ZNF207: variants seen among roughly 807,000 people sequenced by gnomAD.
The protein encoded by ZNF207 is zinc finger protein 207, also known as BUB3-interacting and GLEBS motif-containing protein ZNF207.
Under a neutral mutation model 60.2 loss-of-function variants are expected in ZNF207, and 24 were observed. The observed-to-expected ratio is 0.40, with a 90% CI of 0.29 to 0.56. The LOEUF (loss-of-function observed/expected upper bound fraction) is 0.56, where lower values mean the gene tolerates loss of function less well. Among genes scored for constraint, ZNF207 ranks in the 20% least tolerant of loss-of-function variants. The pLI is 0.49. For missense variants in ZNF207, 452 were observed against 636.6 expected (o/e 0.71, Z 3.12); for synonymous variants, 236 against 194.7 (o/e 1.21, Z -1.77).
chr17:32,359,347 G>A (rs1249817966), intron 3 of ZNF207, among the ~76,000 whole-genome samples: 4 of 151,838 alleles, frequency 2.6e-5, no homozygotes, highest in African/African-American at 4.8e-5. Context: ...TCCTGACCTC[G>A]TGATCTGCCC....
Position 32,378,368 on chromosome 17 carries a change from C to T in ZNF207, c.*8609C>T, listed in dbSNP as rs971664909. 6.6e-6 allele frequency: 1 copy of T among 151,942 alleles called. No individual in the cohort carries two copies. Among genetic ancestry groups the T allele is most frequent in the Non-Finnish European group, 1.5e-5 (1 of 67,902 alleles). 9.4% of individuals were successfully genotyped at this position (151,942 alleles called of 1,614,324 possible). A position where few individuals can be genotyped will look rare whatever the true frequency, so the allele number is the denominator to read the frequency against. ...CCTTTTAACTTTTTACATTATGAAT[C>T]AACCTAAGAAAAAAGGCAAGTTTCC... On this transcript the variant is annotated 3_prime_UTR_variant, in exon 12 of 12. Coordinates refer to ENST00000394670, the MANE Select transcript of ZNF207 (RefSeq NM_001098507.2).
rs1186231676 is a variant in ZNF207 at position 32,379,633 on chromosome 17, A to G, written c.*9874A>G. On this transcript the variant is annotated 3_prime_UTR_variant, in exon 12 of 12. Coordinates refer to ENST00000394670, the MANE Select transcript of ZNF207 (RefSeq NM_001098507.2). ...GCTGTTGTTGTGGTGATTCATGAGC[A>G]GTAAGCTGGAGTTAGAGTGGAAGAA... is the stretch of plus-strand genomic sequence containing the variant. 1 of 152,134 alleles carries G rather than the reference A, an allele frequency of 6.6e-6. No homozygotes were observed. The highest frequency in any genetic ancestry group is 1.5e-5 in the Non-Finnish European group (1 of 67,978). 9.4% of individuals were successfully genotyped at this position (152,134 alleles called of 1,614,324 possible).
chr17:32,351,722 A>G (rs757335879), intron 1 of ZNF207, 64 bp from the exon 2 acceptor site: 12 of 1,610,928 alleles, frequency 7.4e-6, no homozygotes, highest in Middle Eastern at 1.7e-4. Context: ...AATGTTATCC[A>G]TATGTTTTTA....
At chr17:32,357,321 ATT>A (rs1567815449) in intron 2 of ZNF207, among the ~76,000 whole-genome samples, 96 of 50,552 alleles carry the variant, frequency 1.9e-3, no homozygotes, top group African/African-American at 0.013. Context: ...AATTATTATT[ATT>A]ATTATTATTA....
intron 7 of ZNF207, among the ~76,000 whole-genome samples, chr17:32,364,811 T>C (rs1248614386): frequency 6.6e-6 from 1 of 152,248 alleles, no homozygotes; most frequent in Admixed American, 6.5e-5. Flanking sequence ...GTGGTACATA[T>C]TTAGGTATTT....
intron 2 of ZNF207, among the ~76,000 whole-genome samples, chr17:32,352,128 C>T (rs950528802): frequency 3.3e-5 from 5 of 152,054 alleles, no homozygotes; most frequent in African/African-American, 4.8e-5. Flanking sequence ...CCACCATGCC[C>T]GGCTAATTTT....
Position 32,362,917 on chromosome 17 carries a change from G to A in ZNF207, c.603G>A (p.Met201Ile), listed in dbSNP as rs986552285. The change falls in exon 7 of 12, where the codon ATG (methionine) becomes ATA (isoleucine). Residue 201 changes from methionine (M) to isoleucine (I), a missense_variant. Met to Ile is a conservative substitution (Grantham distance 10, BLOSUM62 1). This residue lies in a region of ZNF207 where 390 missense variants were observed against 461.4 expected (regional missense o/e 0.85). Coordinates refer to ENST00000394670, the MANE Select transcript of ZNF207 (RefSeq NM_001098507.2). ...YTQSFCGENI[M>I]MPMGGMMPPG... The stretch of plus-strand genomic sequence containing the variant: ...CTTGAAATTTGCTTTCTAATAGAAT[G>A]ATGCCAATGGGTGGAATGATGCCAC... The A allele has an allele frequency of 4.3e-6, 7 of 1,613,106 alleles. No individual in the cohort carries two copies. The highest frequency in any genetic ancestry group is 5.9e-6 in the Non-Finnish European group (7 of 1,179,922).
intron 5 of ZNF207, 121 bp from the exon 6 acceptor site, chr17:32,361,343 ATATG>A: frequency 1.4e-6 from 1 of 701,198 alleles, no homozygotes; most frequent in South Asian, 2.5e-5. Flanking sequence ...ACTAAAATGA[ATATG>A]AGGTGCTTGT....
chr17:32,351,942 C>A, intron 2 of ZNF207, 30 bp downstream of exon 2: 2 of 1,486,084 alleles, frequency 1.3e-6, no homozygotes, highest in South Asian at 1.4e-5. Context: ...ATTTATTGTC[C>A]GCTTGTGATT....
chr17:32,367,820 A>T lies in ZNF207; in HGVS notation c.970A>T (p.Asn324Tyr). 1 of 1,614,174 alleles carries T rather than the reference A, an allele frequency of 6.2e-7. No homozygotes were observed. The highest frequency in any genetic ancestry group is 8.5e-7 in the Non-Finnish European group (1 of 1,180,028). ...TGTTGGTACAGATTTCAAACCCTTA[A>T]ATAGTACCCCTGCAACAACTACAGA... ...GPVGTDFKPL[N>Y]STPATTTEPP... Residue 324 changes from asparagine to tyrosine, a missense_variant, in exon 10 of 12, where the codon AAT becomes TAT. Around this residue, in one of 2 missense-constraint regions of ZNF207, gnomAD observed 390 missense variants for 461.4 expected, o/e 0.85. Transcript: ENST00000394670.
chr17:32,364,525 A>G (rs1416044970), intron 7 of ZNF207, among the ~76,000 whole-genome samples: 1 of 151,476 alleles, frequency 6.6e-6, no homozygotes, highest in Non-Finnish European at 1.5e-5. Context: ...CCACCCGACA[A>G]ATTGTTGTAT....
chr17:32,368,077 CT>C, intron 10 of ZNF207, 63 bp downstream of exon 10: 2 of 1,589,860 alleles, frequency 1.3e-6, no homozygotes, highest in Non-Finnish European at 1.7e-6. Context: ...CAGTTCGTCC[CT>C]TTAAAATAAG....
chr17:32,355,531 C>T (rs561696289), intron 2 of ZNF207, among the ~76,000 whole-genome samples: 3 of 152,044 alleles, frequency 2.0e-5, no homozygotes, highest in Non-Finnish European at 4.4e-5. Context: ...AAAAGGTTAC[C>T]GAAGCAGTTT....
At chr17:32,367,339 G>T (rs1000643863) in intron 9 of ZNF207, among the ~76,000 whole-genome samples, 2 of 138,680 alleles carry the variant, frequency 1.4e-5, no homozygotes, top group Non-Finnish European at 3.1e-5. Flanking sequence ...CACTGTTCAT[G>T]TTATAGTTAG....
rs943232612 is a variant in ZNF207, at chr17:32,379,875, T to C, written c.*10116T>C. On this transcript the variant is annotated 3_prime_UTR_variant, in exon 12 of 12. Transcript: ENST00000394670. ...ATTTAGCCTCGCTATATGTAACACA[T>C]GGATTATTTTTTCCCTCTAGTTTTT... The C allele has an allele frequency of 6.6e-6, 1 of 152,206 alleles. No individual in the cohort carries two copies. Among genetic ancestry groups the C allele is most frequent in the Non-Finnish European group, 1.5e-5 (1 of 68,018 alleles). 9.4% of individuals were successfully genotyped at this position (152,206 alleles called of 1,614,324 possible).
intron 2 of ZNF207, among the ~76,000 whole-genome samples, chr17:32,353,949 A>G (rs898587617): frequency 2.6e-5 from 4 of 152,130 alleles, no homozygotes; most frequent in Non-Finnish European, 4.4e-5. Flanking sequence ...TTCTCTGTCA[A>G]GTAGCTAACT....
rs1039693338 is a variant in ZNF207, at chr17:32,369,621, A to G, written c.1347A>G (p.Gln449=). Residue 449 remains glutamine, a synonymous_variant, in exon 12 of 12, where the codon CAA becomes CAG. Coordinates refer to ENST00000394670, the MANE Select transcript of ZNF207 (RefSeq NM_001098507.2). ...PPHGQYGGHH[Q]GMPGYLPGAM... is the part of the protein sequence containing the mutation. ...TAGGTCAGTATGGTGGTCATCATCA[A>G]GGCATGCCAGGATACCTTCCTGGTG... 1.9e-6 allele frequency: 3 copies of G among 1,567,544 alleles called. No individual in the cohort carries two copies. Among genetic ancestry groups the G allele is most frequent in the East Asian group, 2.3e-5 (1 of 44,430 alleles).
rs1597746939 is a variant in ZNF207, at chr17:32,350,448, G to T, written c.41+122G>T. 3.0e-5 allele frequency: 40 copies of T among 1,335,346 alleles called. No individual in the cohort carries two copies. The East Asian group carries it at 9.2e-4, about 31-fold the overall frequency. 82.7% of individuals were successfully genotyped at this position (1,335,346 alleles called of 1,614,324 possible). A position where few individuals can be genotyped will look rare whatever the true frequency, so the allele number is the denominator to read the frequency against. ...TTGTATTTAGGCGTCTGCGTGGGTGGCCTGGTGGCTGGGATTGGACTTGGG... is the reference window on the plus strand; with the variant it reads ...TTGTATTTAGGCGTCTGCGTGGGTGTCCTGGTGGCTGGGATTGGACTTGGG... On this transcript the variant is annotated intron_variant, in intron 1 of 11. Transcript: ENST00000394670.
intron 7 of ZNF207, 38 bp downstream of exon 7, chr17:32,363,022 G>C: frequency 6.4e-7 from 1 of 1,571,980 alleles, no homozygotes; most frequent in Non-Finnish European, 8.6e-7. Flanking sequence ...ATGATGTACA[G>C]GCTTTATTTC....
Sources: gnomAD v4.1 joint callset for allele counts (sites outside exome capture counted in the v4.1 genomes callset) on GRCh38, gnomAD v4.1.1 for gene constraint, gnomAD v4.1.1 regional missense constraint, MANE v1.5 for transcripts, NCBI Gene and HGNC (gene_info 2026-07-23, HGNC 2026-07-21) for gene names.